Variants in MATCAP2 observed in about 807,000 individuals in gnomAD.
MATCAP2 encodes the protein microtubule associated tyrosine carboxypeptidase 2.
At chr7:36,351,545 C>T in the MATCAP2 span, among the ~76,000 whole-genome samples, 2 of 152,024 alleles carry the variant, frequency 1.3e-5, no homozygotes, top group African/African-American at 2.4e-5. Flanking sequence ...GCAGAATGAC[C>T]GCCAAATAAG....
chr7:36,346,817 G>A, the MATCAP2 span, among the ~76,000 whole-genome samples: 1 of 152,164 alleles, frequency 6.6e-6, no homozygotes, highest in Non-Finnish European at 1.5e-5. Flanking sequence ...CTGGAGTGCA[G>A]TGGCACGATC....
At chr7:36,324,763 G>C in the MATCAP2 span, 1 of 152,182 alleles carries the variant, frequency 6.6e-6, no homozygotes, top group Non-Finnish European at 1.5e-5. Context: ...CATTTTGTCT[G>C]CAGAGTGCTC....
At chr7:36,328,957 T>C in the MATCAP2 span, among the ~76,000 whole-genome samples, 1 of 151,146 alleles carries the variant, frequency 6.6e-6, no homozygotes, top group Admixed American at 6.6e-5. Context: ...GCAGGAGAAT[T>C]GCTTGAACCC....
the MATCAP2 span, chr7:36,357,518 T>C: frequency 6.2e-7 from 1 of 1,614,020 alleles, no homozygotes; most frequent in Non-Finnish European, 8.5e-7. Context: ...TCTTTTGTTG[T>C]CAATGATCAA....
the MATCAP2 span, among the ~76,000 whole-genome samples, chr7:36,371,835 C>G: frequency 6.6e-6 from 1 of 151,918 alleles, no homozygotes; most frequent in Non-Finnish European, 1.5e-5. Context: ...ATCATAACTC[C>G]TGGGCTCAAG....
the MATCAP2 span, among the ~76,000 whole-genome samples, chr7:36,348,739 T>G: frequency 2.6e-5 from 4 of 152,156 alleles, no homozygotes; most frequent in African/African-American, 9.7e-5. Flanking sequence ...AATAAAGTAT[T>G]GTGAGATCAT....
At chr7:36,387,967 A>G in the MATCAP2 span, among the ~76,000 whole-genome samples, 1 of 152,170 alleles carries the variant, frequency 6.6e-6, no homozygotes, top group Non-Finnish European at 1.5e-5. Context: ...TCCTTTGTTC[A>G]TAAGTAACAC....
At chr7:36,328,240 AG>A in the MATCAP2 span, among the ~76,000 whole-genome samples, 12,767 of 70,800 alleles carry the variant, frequency 0.18, 2,394 homozygotes, top group East Asian at 0.3. Flanking sequence ...TTGTTTTTGT[AG>A]GGGGGGGGGG....
chr7:36,376,280 G>T, the MATCAP2 span, among the ~76,000 whole-genome samples: 1 of 152,106 alleles, frequency 6.6e-6, no homozygotes, highest in Admixed American at 6.5e-5. Flanking sequence ...CAGAGATTCT[G>T]GTATGTTGTG....
At chr7:36,335,777 G>C in the MATCAP2 span, among the ~76,000 whole-genome samples, 143 of 136,426 alleles carry the variant, frequency 1.0e-3, no homozygotes, top group Non-Finnish European at 1.9e-3. Flanking sequence ...CTACAGAAAA[G>C]AACTACGACT....
the MATCAP2 span, among the ~76,000 whole-genome samples, chr7:36,377,460 C>T: frequency 6.6e-6 from 1 of 152,144 alleles, no homozygotes; most frequent in Non-Finnish European, 1.5e-5. Flanking sequence ...GAGTTTCTGC[C>T]AAGAGATCTG....
the MATCAP2 span, among the ~76,000 whole-genome samples, chr7:36,379,985 A>G: frequency 1.3e-5 from 2 of 152,196 alleles, no homozygotes; most frequent in Non-Finnish European, 2.9e-5. Context: ...GTCTACATGT[A>G]AACCTTTCAC....
the MATCAP2 span, among the ~76,000 whole-genome samples, chr7:36,388,299 TA>T: frequency 2.9e-3 from 412 of 140,644 alleles, no homozygotes; most frequent in African/African-American, 2.9e-3. Flanking sequence ...CCACAAAGGT[TA>T]AAAAAAAAAA....
At chr7:36,358,142 G>A in the MATCAP2 span, among the ~76,000 whole-genome samples, 1 of 151,894 alleles carries the variant, frequency 6.6e-6, no homozygotes, top group Non-Finnish European at 1.5e-5. Context: ...AGGTTGCTGT[G>A]AGCTGAGATC....
chr7:36,364,454 T>A, the MATCAP2 span, among the ~76,000 whole-genome samples: 1 of 152,184 alleles, frequency 6.6e-6, no homozygotes, highest in African/African-American at 2.4e-5. Flanking sequence ...GATTCCATTT[T>A]TAAACAGCAT....
chr7:36,363,062 G>A, the MATCAP2 span, among the ~76,000 whole-genome samples: 10 of 152,156 alleles, frequency 6.6e-5, no homozygotes, highest in South Asian at 2.1e-4. Context: ...TATTTGAGAG[G>A]AAAGAAAGGG....
the MATCAP2 span, among the ~76,000 whole-genome samples, chr7:36,374,924 A>T: frequency 6.6e-6 from 1 of 152,232 alleles, no homozygotes; most frequent in South Asian, 2.1e-4. Context: ...ACATTTTCTT[A>T]ATCCAGTCTA....
chr7:36,350,158 C>T, the MATCAP2 span, among the ~76,000 whole-genome samples: 2 of 152,172 alleles, frequency 1.3e-5, no homozygotes, highest in East Asian at 1.9e-4. Context: ...ACAATTATAA[C>T]TTAGCTTTAA....
the MATCAP2 span, among the ~76,000 whole-genome samples, chr7:36,370,186 A>G: frequency 6.6e-6 from 1 of 152,166 alleles, no homozygotes; most frequent in Non-Finnish European, 1.5e-5. Context: ...AGCTTTCTGC[A>G]TCTGCTTTGT....
Sources: gnomAD v4.1 joint callset for allele counts (sites outside exome capture counted in the v4.1 genomes callset) on GRCh38, gnomAD v4.1.1 for gene constraint, MANE v1.5 for transcripts, NCBI Gene and HGNC (gene_info 2026-07-23, HGNC 2026-07-21) for gene names.